Variants in PGBD5 observed in about 807,000 individuals in gnomAD.
PGBD5 encodes the protein piggyBac transposable element-derived protein 5.
PGBD5 carries 14 observed loss-of-function variants against 47.9 expected under a neutral mutation model. That is an observed-to-expected ratio of 0.29 (90% CI 0.19 to 0.46). The LOEUF (loss-of-function observed/expected upper bound fraction) is 0.46. Ranked by LOEUF, PGBD5 falls within the 20% of genes least tolerant of loss-of-function variation. The probability of loss-of-function intolerance (pLI) is 1.00; values close to 1 mark genes in which losing one functional copy is unlikely to be tolerated. For missense variants in PGBD5, 635 were observed against 716.0 expected, an observed-to-expected ratio of 0.89 and a Z score of 1.29; for synonymous variants, 316 against 306.3, an observed-to-expected ratio of 1.03 and a Z score of -0.33.
At chr1:230,415,725 G>A (rs1657498182) in intron 1 of PGBD5, among the ~76,000 whole-genome samples, 1 of 152,180 alleles carries the variant, frequency 6.6e-6, no homozygotes, top group South Asian at 2.1e-4. Context: ...AAGAGGTGCA[G>A]CCATTTCCCA....
At chr1:230,354,199 C>T (rs189370847) in intron 2 of PGBD5, among the ~76,000 whole-genome samples, 111 of 150,944 alleles carry the variant, frequency 7.4e-4, no homozygotes, top group African/African-American at 2.6e-3. Context: ...ACTTACCTTG[C>T]TCTACACCTA....
At chr1:230,335,766 T>TACACAC (rs1667307189) in intron 4 of PGBD5, among the ~76,000 whole-genome samples, 1 of 316 alleles carries the variant, frequency 3.2e-3, no homozygotes, top group African/African-American at 0.01. Flanking sequence ...GATACACAGA[T>TACACAC]ACAGACAGAC....
chr1:230,323,418 C>T lies in PGBD5; in HGVS notation c.*7G>A, dbSNP rs1052303648. On this transcript the variant is annotated 3_prime_UTR_variant, in exon 7 of 7. Transcript: ENST00000391860. The surrounding 1 kb of genome is among the most constrained non-coding windows in gnomAD (Gnocchi z 4.1). Reference sequence around the variant, plus strand: ...CCCTCCCTTGACCGAGTCCTGCGCCCCCAGCATCAGTGGGTCGGAGAGGCA... The same window carrying T: ...CCCTCCCTTGACCGAGTCCTGCGCCTCCAGCATCAGTGGGTCGGAGAGGCA... The T allele has an allele frequency of 6.2e-7, 1 of 1,611,730 alleles. No homozygotes were observed. Among genetic ancestry groups the T allele is most frequent in the Non-Finnish European group, 8.5e-7 (1 of 1,178,858 alleles).
At chr1:230,415,630 A>G (rs535583028) in intron 1 of PGBD5, among the ~76,000 whole-genome samples, 1 of 152,218 alleles carries the variant, frequency 6.6e-6, no homozygotes, top group East Asian at 1.9e-4. Flanking sequence ...CTCTTCCCCC[A>G]TGGGCAGGCA....
intron 1 of PGBD5, among the ~76,000 whole-genome samples, chr1:230,390,022 G>A (rs1246536048): frequency 6.6e-6 from 1 of 152,102 alleles, no homozygotes; most frequent in African/African-American, 2.4e-5. Context: ...AAGGTGGGAG[G>A]GTGAGAAAAG....
intron 3 of PGBD5, among the ~76,000 whole-genome samples, chr1:230,348,225 T>A (rs909156994): frequency 6.6e-6 from 1 of 152,226 alleles, no homozygotes; most frequent in East Asian, 1.9e-4. Flanking sequence ...AAGAGAGTCA[T>A]ACACTGGCAG....
chr1:230,370,369 C>T lies in PGBD5; in HGVS notation c.332-13048G>A, dbSNP rs72765643. ...TGTCCCCTCCCCTTTCTCAAGGTCA[C>T]GCTTCCAGAGCCCAGCTCCAGAAGT... On this transcript the variant is annotated intron_variant, in intron 1 of 6. Coordinates refer to ENST00000391860, the MANE Select transcript of PGBD5 (RefSeq NM_001258311.2). Among the ~76,000 whole-genome samples the T allele has an allele frequency of 8.7e-3, 1,320 of 152,282 alleles. 16 individuals are homozygous for T. Among genetic ancestry groups the T allele is most frequent in the Middle Eastern group, 0.017 (5 of 294 alleles).
At chr1:230,347,480 T>TC (rs1290830054) in intron 3 of PGBD5, among the ~76,000 whole-genome samples, 32 of 145,702 alleles carry the variant, frequency 2.2e-4, no homozygotes, top group South Asian at 1.1e-3. Context: ...TCTTTTCTTT[T>TC]TTTTTTTTTT....
At chr1:230,373,785 C>T (rs999917998) in intron 1 of PGBD5, among the ~76,000 whole-genome samples, 1 of 152,048 alleles carries the variant, frequency 6.6e-6, no homozygotes, top group Non-Finnish European at 1.5e-5. Context: ...CCTTAAACTC[C>T]GGGGCTCTAG....
intron 5 of PGBD5, among the ~76,000 whole-genome samples, chr1:230,330,038 G>C (rs955364223): frequency 6.6e-6 from 1 of 152,180 alleles, no homozygotes; most frequent in Non-Finnish European, 1.5e-5. Context: ...AGAAAACAAT[G>C]TGCTATAGGC....
chr1:230,413,820 T>G (rs1343657934), intron 1 of PGBD5, among the ~76,000 whole-genome samples: 1 of 152,168 alleles, frequency 6.6e-6, no homozygotes, highest in Non-Finnish European at 1.5e-5. Context: ...CACCAGGAGT[T>G]ATGCTGTTTG....
At chr1:230,403,793 C>A (rs752806338) in intron 1 of PGBD5, among the ~76,000 whole-genome samples, 2 of 152,210 alleles carry the variant, frequency 1.3e-5, no homozygotes, top group East Asian at 3.9e-4. Flanking sequence ...CCTGAGCCAA[C>A]GAAGAGTGAT....
chr1:230,369,470 C>T (rs987839591), intron 1 of PGBD5, among the ~76,000 whole-genome samples: 13 of 152,228 alleles, frequency 8.5e-5, no homozygotes, highest in Admixed American at 2.0e-4. Context: ...CTGAGAAACA[C>T]ACTGCACAGG....
chr1:230,334,629 T>G (rs983150687), intron 4 of PGBD5, among the ~76,000 whole-genome samples: 2 of 152,118 alleles, frequency 1.3e-5, no homozygotes, highest in African/African-American at 4.8e-5. Flanking sequence ...CCCAGACCAA[T>G]GCAATCTGTG....
chr1:230,410,116 G>A (rs1657382262), intron 1 of PGBD5, among the ~76,000 whole-genome samples: 2 of 152,180 alleles, frequency 1.3e-5, no homozygotes, highest in Admixed American at 6.5e-5. Flanking sequence ...GAAGAAGGCA[G>A]GGATGGCAAA....
intron 5 of PGBD5, among the ~76,000 whole-genome samples, chr1:230,329,175 A>G (rs754806035): frequency 7.3e-5 from 11 of 151,540 alleles, no homozygotes; most frequent in Non-Finnish European, 1.3e-4. Context: ...TGTTGCTCAG[A>G]CTGGTCTCAA....
chr1:230,395,314 C>G (rs1308416411), intron 1 of PGBD5, among the ~76,000 whole-genome samples: 9 of 50,802 alleles, frequency 1.8e-4, no homozygotes, highest in Non-Finnish European at 3.5e-4. Flanking sequence ...CTCCTCTCCT[C>G]CTCTCCTCAC....
rs1398812379 is a variant in PGBD5, at chr1:230,318,299, A to G, written c.*5126T>C. 6.6e-6 allele frequency: 1 copy of G among 152,272 alleles called. No individual in the cohort carries two copies. The highest frequency in any genetic ancestry group is 2.4e-5 in the African/African-American group (1 of 41,464). The allele number at this position is 152,272 out of a possible 1,614,324, so 9.4% of individuals were successfully genotyped here. Reference sequence around the variant, plus strand: ...AAAGAAGGCTGAGAAATATTCTCGAAGATGAGACACACAGAAGCCACGGAG... The same window carrying G: ...AAAGAAGGCTGAGAAATATTCTCGAGGATGAGACACACAGAAGCCACGGAG... On this transcript the variant is annotated 3_prime_UTR_variant, in exon 7 of 7. Transcript: ENST00000391860.
intron 1 of PGBD5, among the ~76,000 whole-genome samples, chr1:230,416,999 T>TG (rs780192714): frequency 7.2e-5 from 11 of 152,166 alleles, no homozygotes; most frequent in Non-Finnish European, 1.5e-4. Flanking sequence ...ATATAAGAAG[T>TG]GGAAGGATTT....
Sources: allele counts gnomAD v4.1 joint callset (sites outside exome capture counted in the v4.1 genomes callset), GRCh38; gene constraint gnomAD v4.1.1; non-coding constraint Gnocchi (gnomAD v3.1); transcripts MANE v1.5; gene names NCBI Gene and HGNC (gene_info 2026-07-23, HGNC 2026-07-21).